The following BCL2L1 variants were observed in gnomAD, a reference collection of about 807,000 sequenced individuals.
BCL2L1 encodes BCL2 like 1, also known as bcl-2-like protein 1.
Under a neutral mutation model 18.7 loss-of-function variants are expected in BCL2L1, and 1 was observed. The observed-to-expected ratio is 0.05, with a 90% CI of 0.02 to 0.25. BCL2L1 has a LOEUF of 0.25. BCL2L1 is among the 10% of genes least tolerant of loss of function. The pLI is 1.00. For synonymous variants in BCL2L1, 103 were observed against 122.7 expected, an observed-to-expected ratio of 0.84 and a Z score of 1.06; for missense variants, 207 against 304.9, an observed-to-expected ratio of 0.68 and a Z score of 2.39.
In BCL2L1 at chr20:31,666,524, G is replaced by A. The variant is rs117392321; in HGVS notation, c.565-438C>T. ...GAGCCTAGAGTTGAGTCTGAGGGTA[G>A]TGTGGAGTGTGGAGCCACTAGGCCT... On this transcript the variant is annotated intron_variant, in intron 2 of 2. Coordinates refer to ENST00000307677, the MANE Select transcript of BCL2L1 (RefSeq NM_138578.3). Among the ~76,000 whole-genome samples, 584 of 152,282 alleles carry A rather than the reference G, an allele frequency of 3.8e-3. 5 individuals are homozygous for A. Among genetic ancestry groups the A allele is most frequent in the African/African-American group, 0.011 (471 of 41,554 alleles).
At chr20:31,670,006 A>C (rs1488826773) in intron 2 of BCL2L1, among the ~76,000 whole-genome samples, 1 of 152,222 alleles carries the variant, frequency 6.6e-6, no homozygotes, top group Non-Finnish European at 1.5e-5. Context: ...TCAAACTGCA[A>C]GACTGCCTAG....
At chr20:31,680,730 GA>G (rs1418652780) in intron 2 of BCL2L1, among the ~76,000 whole-genome samples, 19 of 152,142 alleles carry the variant, frequency 1.2e-4, no homozygotes, top group Non-Finnish European at 2.8e-4. Flanking sequence ...AAGCGCTGGG[GA>G]TAAAGCAGTG....
chr20:31,692,259 CACAA>C (rs1168275359), intron 2 of BCL2L1, among the ~76,000 whole-genome samples: 4 of 152,368 alleles, frequency 2.6e-5, no homozygotes, highest in African/African-American at 7.2e-5. Context: ...GTGCAGGAGA[CACAA>C]ACAGTTTTCA....
intron 2 of BCL2L1, among the ~76,000 whole-genome samples, chr20:31,715,771 T>G (rs1156273638): frequency 6.6e-6 from 1 of 152,180 alleles, no homozygotes; most frequent in Admixed American, 6.6e-5. Flanking sequence ...AAATCTACAC[T>G]AGTAAAGGTA....
intron 2 of BCL2L1, among the ~76,000 whole-genome samples, chr20:31,685,867 G>A (rs1418486482): frequency 6.6e-6 from 1 of 152,120 alleles, no homozygotes; most frequent in African/African-American, 2.4e-5. Context: ...CTTCCCCTCT[G>A]GGGGCACCTC....
At chr20:31,666,480 G>A (rs55794329) in intron 2 of BCL2L1, among the ~76,000 whole-genome samples, 553 of 152,230 alleles carry the variant, frequency 3.6e-3, no homozygotes, top group Middle Eastern at 0.024. Flanking sequence ...CAGACCATAC[G>A]TGGCCTGGAA....
chr20:31,674,217 C>T (rs1014948353), intron 2 of BCL2L1, among the ~76,000 whole-genome samples: 13 of 152,182 alleles, frequency 8.5e-5, no homozygotes, highest in African/African-American at 2.9e-4. Context: ...TCAGCAGCAG[C>T]GCACACTTCC....
intron 2 of BCL2L1, among the ~76,000 whole-genome samples, chr20:31,707,501 G>A (rs895438631): frequency 1.4e-4 from 21 of 152,090 alleles, no homozygotes; most frequent in African/African-American, 5.1e-4. Flanking sequence ...GCTGTAGGCC[G>A]GGCATGGTGG....
At chr20:31,693,845 T>C (rs1437260615) in intron 2 of BCL2L1, among the ~76,000 whole-genome samples, 1 of 152,226 alleles carries the variant, frequency 6.6e-6, no homozygotes, top group African/African-American at 2.4e-5. Flanking sequence ...AACATATGTT[T>C]GATTATTAAT....
intron 2 of BCL2L1, among the ~76,000 whole-genome samples, chr20:31,680,831 G>T (rs1435087140): frequency 6.6e-6 from 1 of 152,224 alleles, no homozygotes; most frequent in Non-Finnish European, 1.5e-5. Flanking sequence ...GATGCATTAA[G>T]AAAGAATAAA....
upstream of BCL2L1, chr20:31,723,358 A>C (rs532707532): frequency 1.0e-6 from 1 of 985,500 alleles, no homozygotes; most frequent in African/African-American, 1.7e-5. Context: ...CAGGTCAGGA[A>C]GAGGGGTCGA....
chr20:31,666,395 G>A (rs930358773), intron 2 of BCL2L1, among the ~76,000 whole-genome samples: 1 of 152,156 alleles, frequency 6.6e-6, no homozygotes, highest in Non-Finnish European at 1.5e-5. Flanking sequence ...GGGAACTGAT[G>A]GAAGCCAGGT....
At chr20:31,698,543 C>T (rs982197687) in intron 2 of BCL2L1, among the ~76,000 whole-genome samples, 3 of 151,882 alleles carry the variant, frequency 2.0e-5, no homozygotes, top group Non-Finnish European at 4.4e-5. Flanking sequence ...GTCGATTTTC[C>T]TTCTTTTTTT....
At chr20:31,683,858 G>A (rs115370251) in intron 2 of BCL2L1, among the ~76,000 whole-genome samples, 46 of 147,598 alleles carry the variant, frequency 3.1e-4, no homozygotes, top group African/African-American at 1.1e-3. Flanking sequence ...AATAGTGGTT[G>A]ACAGATAGTA....
At chr20:31,692,111 C>T (rs2061085082) in intron 2 of BCL2L1, among the ~76,000 whole-genome samples, 1 of 152,202 alleles carries the variant, frequency 6.6e-6, no homozygotes, top group African/African-American at 2.4e-5. Context: ...TTCTGAGGGC[C>T]CCAACCCTGA....
chr20:31,712,158 C>G (rs1354366820), intron 2 of BCL2L1, among the ~76,000 whole-genome samples: 1 of 152,214 alleles, frequency 6.6e-6, no homozygotes, highest in East Asian at 1.9e-4. Context: ...GTAACAAAAA[C>G]AGCGTCACTA....
At chr20:31,720,705 C>T (rs2061609568) in intron 2 of BCL2L1, 1 of 983,058 alleles carries the variant, frequency 1.0e-6, no homozygotes, top group Non-Finnish European at 1.2e-6. Flanking sequence ...GAAACTAAGC[C>T]TCAAGAAAGT....
intron 2 of BCL2L1, among the ~76,000 whole-genome samples, chr20:31,673,983 A>G (rs533330463): frequency 6.6e-5 from 10 of 152,222 alleles, no homozygotes; most frequent in Non-Finnish European, 1.5e-4. Context: ...ACATTTATCA[A>G]TAGCCCCATT....
intron 2 of BCL2L1, among the ~76,000 whole-genome samples, chr20:31,669,790 C>T (rs894969396): frequency 6.6e-5 from 10 of 151,870 alleles, no homozygotes; most frequent in Admixed American, 6.6e-4. Context: ...TCCTATACAC[C>T]CAGTGCTCAG....
Sources: gnomAD v4.1 joint callset for allele counts (sites outside exome capture counted in the v4.1 genomes callset) on GRCh38, gnomAD v4.1.1 for gene constraint, MANE v1.5 for transcripts, NCBI Gene and HGNC (gene_info 2026-07-23, HGNC 2026-07-21) for gene names.